GSG1L: variants seen among roughly 807,000 people sequenced by gnomAD.
GSG1L encodes germ cell-specific gene 1-like protein.
A neutral mutation model predicts 42.1 loss-of-function variants in GSG1L; 24 were observed. The observed-to-expected ratio is 0.57, with a 90% CI of 0.41 to 0.80. The LOEUF (loss-of-function observed/expected upper bound fraction) is 0.80. Among genes scored for constraint, GSG1L ranks in the 30% least tolerant of loss-of-function variants. The pLI, the probability that GSG1L is intolerant of heterozygous loss-of-function variation, is 0.00. For missense variants in GSG1L, 445 were observed against 472.2 expected (o/e 0.94, Z 0.53); for synonymous variants, 215 against 203.5 (o/e 1.06, Z -0.48).
chr16:27,968,632 G>A (rs1224721925), intron 1 of GSG1L, among the ~76,000 whole-genome samples: 1 of 151,996 alleles, frequency 6.6e-6, no homozygotes, highest in Non-Finnish European at 1.5e-5. Flanking sequence ...GAAGTATTCT[G>A]GGCCCTCCGC....
chr16:27,818,541 C>G (rs77096255), intron 5 of GSG1L, among the ~76,000 whole-genome samples: 4,142 of 152,090 alleles, frequency 0.027, 181 homozygotes, highest in African/African-American at 0.094. Flanking sequence ...AAATAAACTT[C>G]AAGCAGTGAA....
intron 2 of GSG1L, among the ~76,000 whole-genome samples, chr16:27,934,122 G>A (rs944575070): frequency 3.3e-5 from 5 of 152,180 alleles, no homozygotes; most frequent in South Asian, 2.1e-4. Flanking sequence ...TCCCCAGCAC[G>A]CAGGTCATTA....
chr16:27,902,610 TGA>T, intron 2 of GSG1L, among the ~76,000 whole-genome samples: 1 of 151,996 alleles, frequency 6.6e-6, no homozygotes, highest in Non-Finnish European at 1.5e-5. Context: ...CTGTATTCAC[TGA>T]CTCACTCATT....
chr16:27,791,962 A>G (rs2082760107), intron 6 of GSG1L, among the ~76,000 whole-genome samples: 1 of 151,812 alleles, frequency 6.6e-6, no homozygotes, highest in Non-Finnish European at 1.5e-5. Context: ...CAGCCACGAC[A>G]GCACCCCCTG....
chr16:28,032,453 C>T (rs1472161420), intron 1 of GSG1L, among the ~76,000 whole-genome samples: 4 of 152,272 alleles, frequency 2.6e-5, no homozygotes, highest in Middle Eastern at 6.8e-3. Context: ...GTATGCACGA[C>T]GCGCTCTTCC....
At chr16:28,056,466 C>T (rs9939109) in intron 1 of GSG1L, among the ~76,000 whole-genome samples, 66,045 of 104,002 alleles carry the variant, frequency 0.64, 21,243 homozygotes, top group Non-Finnish European at 0.71. Flanking sequence ...CCGGGGCCTG[C>T]TGTTGGGTGG....
At chr16:27,808,056 A>G (rs1386097026) in intron 5 of GSG1L, among the ~76,000 whole-genome samples, 1 of 152,208 alleles carries the variant, frequency 6.6e-6, no homozygotes, top group Non-Finnish European at 1.5e-5. Context: ...GGGGGGCAAC[A>G]GGCTCTTCTT....
At chr16:27,938,385 TAA>T (rs71140925) in intron 2 of GSG1L, among the ~76,000 whole-genome samples, 122 of 141,150 alleles carry the variant, frequency 8.6e-4, no homozygotes, top group African/African-American at 1.1e-3. Flanking sequence ...GAGACTCCAT[TAA>T]AAAAAAAAAA....
intron 2 of GSG1L, among the ~76,000 whole-genome samples, chr16:27,913,987 GTT>G (rs200261477): frequency 0.11 from 16,005 of 145,042 alleles, 1,039 homozygotes; most frequent in African/African-American, 0.19. Context: ...TTTCCTTCCA[GTT>G]TTTTTTTTTT....
intron 1 of GSG1L, among the ~76,000 whole-genome samples, chr16:28,028,353 C>T (rs533394138): frequency 6.6e-6 from 1 of 152,150 alleles, no homozygotes; most frequent in Non-Finnish European, 1.5e-5. Flanking sequence ...GATGAATAAA[C>T]CAAGCCTTGA....
At chr16:27,830,555 G>C (rs1424940429) in intron 4 of GSG1L, among the ~76,000 whole-genome samples, 1 of 152,106 alleles carries the variant, frequency 6.6e-6, no homozygotes, top group Non-Finnish European at 1.5e-5. Context: ...TCATGATAAG[G>C]AGCTGATGTA....
intron 4 of GSG1L, among the ~76,000 whole-genome samples, chr16:27,831,989 T>C (rs1374639990): frequency 6.6e-6 from 1 of 152,188 alleles, no homozygotes; most frequent in Non-Finnish European, 1.5e-5. Flanking sequence ...CCTTCTCACC[T>C]GTGAATGTCA....
chr16:27,968,699 C>A (rs950269940), intron 1 of GSG1L, among the ~76,000 whole-genome samples: 3 of 152,200 alleles, frequency 2.0e-5, no homozygotes, highest in Non-Finnish European at 2.9e-5. Context: ...GCTCCCAGCT[C>A]TCACCACCAA....
chr16:27,884,729 G>A lies in GSG1L; in HGVS notation c.398-91C>T, dbSNP rs2084008233. ...ATTCCTCCCACAACAGCAGAGGGTA[G>A]CAAGTCATTCTAGAATAGAACCTGG... On this transcript the variant is annotated intron_variant, in intron 2 of 6. Transcript: ENST00000447459. The surrounding 1 kb of genome is among the most constrained non-coding windows in gnomAD (Gnocchi z 4.4). 9.3e-6 allele frequency: 12 copies of A among 1,289,064 alleles called. No individual in the cohort carries two copies. The Middle Eastern group carries it at 1.5e-3, about 165-fold the overall frequency. The allele number at this position is 1,289,064 out of a possible 1,614,324, so 79.9% of individuals were successfully genotyped here.
intron 3 of GSG1L, among the ~76,000 whole-genome samples, chr16:27,881,580 C>A (rs2141021289): frequency 6.6e-6 from 1 of 152,220 alleles, no homozygotes; most frequent in African/African-American, 2.4e-5. Flanking sequence ...GAGATAGCTG[C>A]AGCTGTGGTG....
intron 1 of GSG1L, among the ~76,000 whole-genome samples, chr16:28,062,608 G>C (rs773242119): frequency 6.6e-6 from 1 of 152,196 alleles, no homozygotes; most frequent in African/African-American, 2.4e-5. Flanking sequence ...GTGGATCTGC[G>C]GCAGGAGGGG....
chr16:28,010,399 A>AT (rs1395057878), intron 1 of GSG1L, among the ~76,000 whole-genome samples: 2 of 151,910 alleles, frequency 1.3e-5, no homozygotes, highest in Admixed American at 1.3e-4. Flanking sequence ...CTGTGGGGGG[A>AT]TTTTGCTAAA....
intron 1 of GSG1L, among the ~76,000 whole-genome samples, chr16:27,982,580 T>G (rs537918795): frequency 1.3e-5 from 2 of 152,318 alleles, no homozygotes; most frequent in South Asian, 4.1e-4. Context: ...TAGTCTATTT[T>G]GCGTTGCTAT....
At chr16:27,823,955 G>A (rs2083178113) in intron 5 of GSG1L, 2 of 702,648 alleles carry the variant, frequency 2.8e-6, no homozygotes, top group Non-Finnish European at 5.2e-6. Flanking sequence ...CACATAGAAA[G>A]GCATCGCAGA....
Sources: allele counts gnomAD v4.1 joint callset (sites outside exome capture counted in the v4.1 genomes callset), GRCh38; gene constraint gnomAD v4.1.1; non-coding constraint Gnocchi (gnomAD v3.1); transcripts MANE v1.5; gene names NCBI Gene and HGNC (gene_info 2026-07-23, HGNC 2026-07-21).